TMEM135: variants seen among roughly 807,000 people sequenced by gnomAD.
TMEM135 encodes transmembrane protein 135, also known as peroxisomal membrane protein 52.
Under a neutral mutation model 60.3 loss-of-function variants are expected in TMEM135, and 30 were observed. The ratio of observed to expected loss-of-function variants is 0.50; its 90% CI spans 0.37 to 0.68. TMEM135 has a LOEUF of 0.68. Ranked by LOEUF, TMEM135 falls within the 30% of genes least tolerant of loss-of-function variation. The probability of loss-of-function intolerance (pLI) is 0.00; values close to 1 mark genes in which losing one functional copy is unlikely to be tolerated. For missense variants in TMEM135, 468 were observed against 548.8 expected, an observed-to-expected ratio of 0.85 and a Z score of 1.47; for synonymous variants, 190 against 186.7, an observed-to-expected ratio of 1.02 and a Z score of -0.14.
chr11:87,133,866 G>A (rs552963225), intron 4 of TMEM135, among the ~76,000 whole-genome samples: 1 of 152,026 alleles, frequency 6.6e-6, no homozygotes, highest in Admixed American at 6.6e-5. Context: ...GTGTAACAAT[G>A]GTTCATTTTT....
At chr11:87,177,245 A>G (rs902514620) in intron 5 of TMEM135, among the ~76,000 whole-genome samples, 1 of 151,992 alleles carries the variant, frequency 6.6e-6, no homozygotes, top group African/African-American at 2.4e-5. Flanking sequence ...CCTACATCCT[A>G]CTTGTGAGAT....
In TMEM135 at chr11:87,236,547, C is replaced by T. The variant is rs1941000086; in HGVS notation, c.463-91C>T. On this transcript the variant is annotated intron_variant, in intron 5 of 14. Coordinates refer to ENST00000305494, the MANE Select transcript of TMEM135 (RefSeq NM_022918.4). ...TTGTATATCCTTTTATTGTTTCAGG[C>T]ACAAGATTTAATAGTATTTTGCTTT... 5 of 1,041,958 alleles carry T rather than the reference C, an allele frequency of 4.8e-6. No individual in the cohort carries two copies. In the Admixed American group the frequency reaches 8.7e-5, roughly 18 times the overall value. 64.5% of individuals were successfully genotyped at this position (1,041,958 alleles called of 1,614,324 possible). A position where few individuals can be genotyped will look rare whatever the true frequency, so the allele number is the denominator to read the frequency against.
chr11:87,261,563 A>G (rs1182224193), intron 6 of TMEM135, among the ~76,000 whole-genome samples: 1 of 152,120 alleles, frequency 6.6e-6, no homozygotes, highest in African/African-American at 2.4e-5. Flanking sequence ...TCACCCCTTT[A>G]TATACCTCCC....
chr11:87,283,130 T>C (rs545824027), intron 6 of TMEM135, among the ~76,000 whole-genome samples: 2 of 151,414 alleles, frequency 1.3e-5, no homozygotes, highest in East Asian at 3.9e-4. Context: ...AGGTCGGGAG[T>C]TCGAGACCAG....
intron 6 of TMEM135, among the ~76,000 whole-genome samples, chr11:87,244,936 C>T (rs777950054): frequency 9.0e-4 from 136 of 151,276 alleles, no homozygotes; most frequent in African/African-American, 3.0e-3. Flanking sequence ...CTTTTAATTG[C>T]GATGTTCGGG....
chr11:87,237,754 AT>A (rs957232227), intron 6 of TMEM135, among the ~76,000 whole-genome samples: 2 of 151,860 alleles, frequency 1.3e-5, no homozygotes, highest in African/African-American at 4.8e-5. Context: ...GTGCTATCAA[AT>A]AGTAGGTCTC....
chr11:87,192,459 A>C (rs937719110), intron 5 of TMEM135, among the ~76,000 whole-genome samples: 1 of 152,152 alleles, frequency 6.6e-6, no homozygotes, highest in Non-Finnish European at 1.5e-5. Context: ...ATGTTATATA[A>C]AGGCAAACAT....
At chr11:87,237,283 G>A (rs1384475669) in intron 6 of TMEM135, among the ~76,000 whole-genome samples, 3 of 151,884 alleles carry the variant, frequency 2.0e-5, no homozygotes, top group Non-Finnish European at 2.9e-5. Context: ...AGCAGTGTGC[G>A]AATGATTTTT....
At chr11:87,140,228 C>T (rs549018989) in intron 4 of TMEM135, among the ~76,000 whole-genome samples, 10 of 152,058 alleles carry the variant, frequency 6.6e-5, no homozygotes, top group African/African-American at 1.7e-4. Context: ...CCACCACGCC[C>T]GGCTAATTTT....
At chr11:87,271,017 C>T (rs4944689) in intron 6 of TMEM135, among the ~76,000 whole-genome samples, 53,741 of 151,678 alleles carry the variant, frequency 0.35, 10,063 homozygotes, top group Non-Finnish European at 0.42. Flanking sequence ...AAGGAACACC[C>T]GAATAAATCA....
chr11:87,040,499 C>T (rs896063277), intron 1 of TMEM135, among the ~76,000 whole-genome samples: 7 of 152,084 alleles, frequency 4.6e-5, no homozygotes, highest in Non-Finnish European at 1.0e-4. Flanking sequence ...CCCATCTCTA[C>T]GAAAAATATA....
intron 5 of TMEM135, chr11:87,178,616 G>A: frequency 2.4e-6 from 1 of 411,598 alleles, no homozygotes. Context: ...AGTAGAGACG[G>A]GATTTCACCA....
chr11:87,318,327 T>C (rs1942766373), intron 13 of TMEM135, 92 bp downstream of exon 13: 2 of 963,678 alleles, frequency 2.1e-6, no homozygotes, highest in Middle Eastern at 2.2e-4. Flanking sequence ...TGGGAACATT[T>C]CTATTTACAG....
At chr11:87,040,731 CT>C (rs1277027104) in intron 1 of TMEM135, among the ~76,000 whole-genome samples, 1 of 151,230 alleles carries the variant, frequency 6.6e-6, no homozygotes, top group Non-Finnish European at 1.5e-5. Context: ...AGCTATTTGA[CT>C]TTGTATATGT....
chr11:87,078,086 G>A (rs1856911118), intron 3 of TMEM135, among the ~76,000 whole-genome samples: 1 of 152,096 alleles, frequency 6.6e-6, no homozygotes, highest in African/African-American at 2.4e-5. Flanking sequence ...TATTTTTCTG[G>A]ATTATGTACT....
rs919403358 is a variant in TMEM135, at chr11:87,147,142, C to T, written c.397-10199C>T. Reference sequence around the variant, plus strand: ...TTCAAGGCCAGCCTGGCCAACATGGCGAAACCCCGTCTCTACTAAAAAATG... The same window carrying T: ...TTCAAGGCCAGCCTGGCCAACATGGTGAAACCCCGTCTCTACTAAAAAATG... On this transcript the variant is annotated intron_variant, in intron 4 of 14. Transcript: ENST00000305494. Among the ~76,000 whole-genome samples the T allele has an allele frequency of 2.5e-4, 38 of 151,930 alleles. 1 individual carries two copies. Among genetic ancestry groups the T allele is most frequent in the African/African-American group, 7.7e-4 (32 of 41,354 alleles).
At position 87,195,377 on chromosome 11, in the gene TMEM135, CCTTCCTTCCTTCCT is replaced by C. The variant is rs1473461451; in HGVS notation, c.462+37972_462+37985del. Among the ~76,000 whole-genome samples the C allele has an allele frequency of 2.5e-3, 326 of 131,370 alleles. 1 individual carries two copies. The highest frequency in any genetic ancestry group is 3.1e-3 in the African/African-American group (110 of 35,024). The allele number at this position is 131,370 out of a possible 152,430, so 86.2% of individuals were successfully genotyped here. ...TCCTTCCTTCCTTCCTTCCTTCCTT[CCTTCCTTCCTTCCT>C]TCTCTCTCTCTCTCTCTCTGTTTCT... On this transcript the variant is annotated intron_variant, in intron 5 of 14. Transcript: ENST00000305494.
chr11:87,161,807 A>G (rs958732189), intron 5 of TMEM135, among the ~76,000 whole-genome samples: 4 of 152,158 alleles, frequency 2.6e-5, no homozygotes, highest in Non-Finnish European at 5.9e-5. Flanking sequence ...ATTTTCATAT[A>G]TTTGTGTTTA....
Position 87,323,682 on chromosome 11 carries a change from C to G in TMEM135, c.*2349C>G. 1 of 452,924 alleles carries G rather than the reference C, an allele frequency of 2.2e-6. No homozygotes were observed. The highest frequency in any genetic ancestry group is 4.4e-6 in the Non-Finnish European group (1 of 226,550). 28.1% of individuals were successfully genotyped at this position (452,924 alleles called of 1,614,324 possible). A position where few individuals can be genotyped will look rare whatever the true frequency, so the allele number is the denominator to read the frequency against. ...GCATTTGGGGCAGTGGTATTATGGTCATTTCGTTGCTATTTTCTGTTTTAA... is the reference window on the plus strand; with the variant it reads ...GCATTTGGGGCAGTGGTATTATGGTGATTTCGTTGCTATTTTCTGTTTTAA... On this transcript the variant is annotated 3_prime_UTR_variant, in exon 15 of 15. Coordinates refer to ENST00000305494, the MANE Select transcript of TMEM135 (RefSeq NM_022918.4).
Sources: gnomAD v4.1 joint callset for allele counts (sites outside exome capture counted in the v4.1 genomes callset) on GRCh38, gnomAD v4.1.1 for gene constraint, MANE v1.5 for transcripts, NCBI Gene and HGNC (gene_info 2026-07-23, HGNC 2026-07-21) for gene names.